Variants in PDSS2 observed in about 807,000 individuals in gnomAD.
The protein encoded by PDSS2 is decaprenyl diphosphate synthase subunit 2.
Under a neutral mutation model 44.5 loss-of-function variants are expected in PDSS2, and 31 were observed. The observed-to-expected ratio is 0.70, with a 90% CI of 0.52 to 0.94. The LOEUF is 0.94. Ranked by LOEUF, PDSS2 falls within the 40% of genes least tolerant of loss-of-function variation. PDSS2 has a pLI of 0.00. For synonymous variants in PDSS2, 157 were observed against 180.3 expected, an observed-to-expected ratio of 0.87 and a Z score of 1.03; for missense variants, 452 against 482.2, an observed-to-expected ratio of 0.94 and a Z score of 0.59.
chr6:107,420,379 C>A (rs374881715), intron 1 of PDSS2, among the ~76,000 whole-genome samples: 1 of 152,240 alleles, frequency 6.6e-6, no homozygotes, highest in South Asian at 2.1e-4. Flanking sequence ...TATTCTAAAA[C>A]AAGTTTGAAA....
intron 2 of PDSS2, among the ~76,000 whole-genome samples, chr6:107,291,552 G>GGA (rs1243999324): frequency 1.0e-4 from 3 of 29,068 alleles, no homozygotes; most frequent in Non-Finnish European, 2.0e-4. Flanking sequence ...AAGTAGAGAC[G>GGA]GGGGGGTCTC....
intron 1 of PDSS2, among the ~76,000 whole-genome samples, chr6:107,360,036 T>G (rs1778720326): frequency 6.6e-6 from 1 of 152,198 alleles, no homozygotes; most frequent in Non-Finnish European, 1.5e-5. Context: ...TCCAGTGACC[T>G]AGGAGCATTA....
intron 1 of PDSS2, among the ~76,000 whole-genome samples, chr6:107,435,455 T>C (rs1258349652): frequency 1.3e-5 from 2 of 152,182 alleles, no homozygotes; most frequent in African/African-American, 2.4e-5. Context: ...AAAATAAATA[T>C]TTTAAAATAA....
At chr6:107,210,178 G>A (rs1212294599) in intron 6 of PDSS2, among the ~76,000 whole-genome samples, 1 of 152,112 alleles carries the variant, frequency 6.6e-6, no homozygotes, top group African/African-American at 2.4e-5. Flanking sequence ...AGTCATCTGA[G>A]TTAATTAGCA....
chr6:107,349,675 G>C lies in PDSS2; in HGVS notation c.297-15343C>G, dbSNP rs1202190927. ...GAGGCAGGAGAAAAGCTTGAACCCG[G>C]GAGGAGGAGGTTGTAGTGAGCCGAG... On this transcript the variant is annotated intron_variant, in intron 1 of 7. Coordinates refer to ENST00000369037, the MANE Select transcript of PDSS2 (RefSeq NM_020381.4). 4.6e-5 allele frequency among the ~76,000 whole-genome samples: 7 copies of C among 151,988 alleles called. No homozygotes were observed. The East Asian group carries it at 1.4e-3, about 29-fold the overall frequency.
At chr6:107,222,014 C>T (rs1275425330) in intron 4 of PDSS2, among the ~76,000 whole-genome samples, 1 of 152,192 alleles carries the variant, frequency 6.6e-6, no homozygotes, top group East Asian at 1.9e-4. Context: ...CTTAGGATTT[C>T]AGATTCATAT....
intron 4 of PDSS2, among the ~76,000 whole-genome samples, chr6:107,228,047 A>G (rs1428275081): frequency 2.0e-5 from 3 of 152,204 alleles, no homozygotes; most frequent in African/African-American, 4.8e-5. Flanking sequence ...TAAACACTTT[A>G]CATGCCTAAT....
intron 2 of PDSS2, among the ~76,000 whole-genome samples, chr6:107,300,346 A>G (rs1275221001): frequency 6.6e-6 from 1 of 152,150 alleles, no homozygotes; most frequent in Admixed American, 6.5e-5. Flanking sequence ...GCCCCAATTC[A>G]GCAGGAAGTA....
intron 4 of PDSS2, among the ~76,000 whole-genome samples, chr6:107,215,409 A>T (rs1393142074): frequency 6.6e-6 from 1 of 152,192 alleles, no homozygotes; most frequent in Non-Finnish European, 1.5e-5. Context: ...ATAAAAAAAT[A>T]GCAACTGATG....
intron 4 of PDSS2, among the ~76,000 whole-genome samples, chr6:107,231,887 G>A (rs1461516648): frequency 6.6e-6 from 1 of 151,784 alleles, no homozygotes; most frequent in African/African-American, 2.4e-5. Flanking sequence ...GCTTGAACCC[G>A]GGAGGTGGAG....
chr6:107,427,709 C>A (rs929494891), intron 1 of PDSS2, among the ~76,000 whole-genome samples: 1 of 152,156 alleles, frequency 6.6e-6, no homozygotes, highest in Non-Finnish European at 1.5e-5. Flanking sequence ...TGAGCCCTTT[C>A]TTATATTTCC....
At chr6:107,314,772 G>A (rs1409566891) in intron 2 of PDSS2, among the ~76,000 whole-genome samples, 3 of 152,136 alleles carry the variant, frequency 2.0e-5, no homozygotes, top group Admixed American at 6.6e-5. Flanking sequence ...TTACAGTAAC[G>A]GTGGATCAAA....
chr6:107,198,987 C>A (rs897515741), intron 6 of PDSS2, among the ~76,000 whole-genome samples: 1 of 152,064 alleles, frequency 6.6e-6, no homozygotes, highest in Admixed American at 6.6e-5. Context: ...CAGAATGAGA[C>A]CCTGTCTCAA....
chr6:107,370,086 T>C (rs1430076945), intron 1 of PDSS2, among the ~76,000 whole-genome samples: 1 of 151,672 alleles, frequency 6.6e-6, no homozygotes, highest in African/African-American at 2.4e-5. Flanking sequence ...AACAACAGCC[T>C]TGAACTTCTG....
intron 2 of PDSS2, among the ~76,000 whole-genome samples, chr6:107,290,672 C>T (rs551938730): frequency 2.8e-4 from 42 of 152,282 alleles, no homozygotes; most frequent in African/African-American, 9.6e-4. Context: ...GGACTGCACT[C>T]GGCTTATGTA....
At chr6:107,223,666 T>G (rs1196302119) in intron 4 of PDSS2, among the ~76,000 whole-genome samples, 1 of 151,240 alleles carries the variant, frequency 6.6e-6, no homozygotes, top group Non-Finnish European at 1.5e-5. Flanking sequence ...GTGAGACACG[T>G]TCAGGCCACT....
In PDSS2 at chr6:107,274,273, T is replaced by A. The variant is rs9486575; in HGVS notation, c.432-46A>T. The A allele has an allele frequency of 9.0e-4, 1,263 of 1,397,532 alleles. 10 individuals are homozygous for A. The African/African-American group carries it at 0.016, about 18-fold the overall frequency. 86.6% of individuals were successfully genotyped at this position (1,397,532 alleles called of 1,614,324 possible). On this transcript the variant is annotated intron_variant, in intron 2 of 7. Coordinates refer to ENST00000369037, the MANE Select transcript of PDSS2 (RefSeq NM_020381.4). ...TTGTTAGAATATCAAGAACACCATT[T>A]TATCACTAATGTCTGATTTCAGTTT...
chr6:107,372,204 A>T (rs976595786), intron 1 of PDSS2, among the ~76,000 whole-genome samples: 2 of 152,124 alleles, frequency 1.3e-5, no homozygotes, highest in Admixed American at 1.3e-4. Flanking sequence ...CCAGGCAAAG[A>T]TTTTAGCAGG....
chr6:107,223,470 G>C (rs1219299870), intron 4 of PDSS2, among the ~76,000 whole-genome samples: 1 of 151,138 alleles, frequency 6.6e-6, no homozygotes, highest in Non-Finnish European at 1.5e-5. Context: ...GGGAGGTGGA[G>C]GTTGCAGTGA....
Sources: allele counts gnomAD v4.1 joint callset (sites outside exome capture counted in the v4.1 genomes callset), GRCh38; gene constraint gnomAD v4.1.1; transcripts MANE v1.5; gene names NCBI Gene and HGNC (gene_info 2026-07-23, HGNC 2026-07-21).